ANO3: variants seen among roughly 807,000 people sequenced by gnomAD.
ANO3 encodes the protein anoctamin 3, also known as anoctamin-3.
A neutral mutation model predicts 144.8 loss-of-function variants in ANO3; 99 were observed. That is an observed-to-expected ratio of 0.68 (90% confidence interval 0.58 to 0.81). The LOEUF is 0.81. Among genes scored for constraint, ANO3 ranks in the 30% least tolerant of loss-of-function variants. The pLI, the probability that ANO3 is intolerant of heterozygous loss-of-function variation, is 0.00. For synonymous variants in ANO3, 414 were observed against 392.6 expected (o/e 1.05, Z -0.64); for missense variants, 905 against 1,202.2 (o/e 0.75, Z 3.66).
At chr11:26,562,282 T>A (rs1414964086) in intron 14 of ANO3, among the ~76,000 whole-genome samples, 1 of 151,978 alleles carries the variant, frequency 6.6e-6, no homozygotes, top group Non-Finnish European at 1.5e-5. Flanking sequence ...TTTACAGATT[T>A]GGTTCTGAAT....
chr11:26,521,319 A>T (rs939517301), intron 6 of ANO3, among the ~76,000 whole-genome samples: 1 of 152,202 alleles, frequency 6.6e-6, no homozygotes, highest in African/African-American at 2.4e-5. Flanking sequence ...AATTTTACTC[A>T]TACAGAGCAG....
At chr11:26,334,760 C>T (rs980820472) in intron 1 of ANO3, among the ~76,000 whole-genome samples, 1 of 152,190 alleles carries the variant, frequency 6.6e-6, no homozygotes, top group Non-Finnish European at 1.5e-5. Flanking sequence ...ATTAATTTAG[C>T]TGAAAAATCC....
chr11:26,240,112 A>C (rs1331337570), intron 1 of ANO3, among the ~76,000 whole-genome samples: 1 of 152,184 alleles, frequency 6.6e-6, no homozygotes, highest in East Asian at 1.9e-4. Flanking sequence ...TTTCATCTAC[A>C]AAATCAAAAT....
intron 1 of ANO3, among the ~76,000 whole-genome samples, chr11:26,300,900 C>T: frequency 6.9e-6 from 1 of 143,986 alleles, no homozygotes. Flanking sequence ...GTTGCCCAGG[C>T]TGAAGTGCAG....
At chr11:26,343,917 C>T (rs1855429781) in intron 1 of ANO3, among the ~76,000 whole-genome samples, 1 of 152,178 alleles carries the variant, frequency 6.6e-6, no homozygotes, top group Non-Finnish European at 1.5e-5. Flanking sequence ...GATCTTAAAT[C>T]ATCTTAACAC....
rs372713836 is a variant in ANO3 at position 26,366,489 on chromosome 11, A to C, written c.46+34168A>C. On this transcript the variant is annotated intron_variant, in intron 1 of 26. Transcript: ENST00000256737. ...CTTTATAGCAGCATATACTGGGTAT[A>C]TACCTAGTAATGGGATGGCTGGGTC... 1.1e-4 allele frequency among the ~76,000 whole-genome samples: 16 copies of C among 152,218 alleles called. 1 individual carries two copies. The highest frequency in any genetic ancestry group is 3.9e-4 in the African/African-American group (16 of 41,556).
At chr11:26,318,921 T>A (rs1047119090) in intron 1 of ANO3, among the ~76,000 whole-genome samples, 2 of 152,140 alleles carry the variant, frequency 1.3e-5, no homozygotes, top group Non-Finnish European at 2.9e-5. Flanking sequence ...TTTACACAAG[T>A]GTGTATATGT....
chr11:26,558,364 A>T (rs1381023601), intron 13 of ANO3, among the ~76,000 whole-genome samples: 1 of 152,040 alleles, frequency 6.6e-6, no homozygotes, highest in Non-Finnish European at 1.5e-5. Context: ...ATGTTGGTTT[A>T]CAAAGGAAAA....
intron 4 of ANO3, among the ~76,000 whole-genome samples, chr11:26,471,674 G>T (rs1859788448): frequency 6.6e-6 from 1 of 151,924 alleles, no homozygotes; most frequent in Non-Finnish European, 1.5e-5. Context: ...GGGCTAGGAA[G>T]TCATGACATG....
At chr11:26,217,298 T>C (rs1406182939) in intron 1 of ANO3, among the ~76,000 whole-genome samples, 1 of 152,058 alleles carries the variant, frequency 6.6e-6, no homozygotes, top group Admixed American at 6.6e-5. Flanking sequence ...AGGGATTGGA[T>C]GCAAGACAGG....
chr11:26,549,031 C>T (rs113247333), intron 12 of ANO3, among the ~76,000 whole-genome samples: 20 of 151,804 alleles, frequency 1.3e-4, no homozygotes, highest in African/African-American at 4.6e-4. Context: ...AAGTTGGTCC[C>T]GTGGAGAACA....
chr11:26,635,321 T>G (rs117085834), intron 20 of ANO3, among the ~76,000 whole-genome samples: 8 of 151,752 alleles, frequency 5.3e-5, no homozygotes, highest in Non-Finnish European at 8.8e-5. Flanking sequence ...CCCCAGGAAT[T>G]TAGCTCCAGT....
intron 1 of ANO3, among the ~76,000 whole-genome samples, chr11:26,244,976 T>TGG (rs1852751140): frequency 2.9e-5 from 1 of 33,900 alleles, no homozygotes; most frequent in African/African-American, 7.5e-5. Context: ...GGTCTCCTGG[T>TGG]GTGTGTGTGT....
chr11:26,389,780 T>C (rs1267382047), intron 1 of ANO3, among the ~76,000 whole-genome samples: 1 of 152,156 alleles, frequency 6.6e-6, no homozygotes, highest in East Asian at 1.9e-4. Flanking sequence ...TATTTTCTTT[T>C]TGAATAAAAG....
chr11:26,501,342 T>C lies in ANO3; in HGVS notation c.433-6762T>C, dbSNP rs577767642. 6.6e-4 allele frequency among the ~76,000 whole-genome samples: 101 copies of C among 152,320 alleles called. 1 individual carries two copies. In the South Asian group the frequency reaches 0.021, roughly 31 times the overall value. ...TGTGTCCTGCCTCAGCTGTGCCTAT[T>C]ATTCTTTAAATCCAATAAAAAATAA... On this transcript the variant is annotated intron_variant, in intron 4 of 26. Transcript: ENST00000256737.
intron 1 of ANO3, among the ~76,000 whole-genome samples, chr11:26,358,571 C>A (rs1251275238): frequency 6.6e-6 from 1 of 152,030 alleles, no homozygotes; most frequent in Non-Finnish European, 1.5e-5. Context: ...TTTTTACTTA[C>A]AATTATATTT....
intron 3 of ANO3, among the ~76,000 whole-genome samples, chr11:26,460,355 T>C (rs1859343005): frequency 7.3e-6 from 1 of 137,772 alleles, no homozygotes; most frequent in East Asian, 2.2e-4. Context: ...GGCGTACAGA[T>C]AGTTTTTTCA....
intron 3 of ANO3, among the ~76,000 whole-genome samples, chr11:26,452,330 GA>G (rs1452026146): frequency 6.6e-6 from 1 of 152,158 alleles, no homozygotes; most frequent in Non-Finnish European, 1.5e-5. Flanking sequence ...TGAAAACTTT[GA>G]AAAACATTTA....
chr11:26,248,537 G>A (rs1241818658), intron 1 of ANO3, among the ~76,000 whole-genome samples: 2 of 151,918 alleles, frequency 1.3e-5, no homozygotes, highest in Non-Finnish European at 2.9e-5. Flanking sequence ...GTGTCAAATG[G>A]TATTCATTAC....
Sources: allele counts gnomAD v4.1 joint callset (sites outside exome capture counted in the v4.1 genomes callset), GRCh38; gene constraint gnomAD v4.1.1; transcripts MANE v1.5; gene names NCBI Gene and HGNC (gene_info 2026-07-23, HGNC 2026-07-21).